Variants in TCF12 observed in about 807,000 individuals in gnomAD.
TCF12 encodes transcription factor 12.
A neutral mutation model predicts 86.0 loss-of-function variants in TCF12; 45 were observed. That is an observed-to-expected ratio of 0.52 (90% CI 0.41 to 0.67). The LOEUF (loss-of-function observed/expected upper bound fraction) is 0.67, where lower values mean the gene tolerates loss of function less well. TCF12 is among the 30% of genes least tolerant of loss of function. TCF12 has a pLI of 0.00. For missense variants in TCF12, 881 were observed against 859.9 expected (o/e 1.02, Z -0.31); for synonymous variants, 330 against 299.6 (o/e 1.10, Z -1.05).
At chr15:57,282,741 T>TGTAACAG in intron 20 of TCF12, 143 bp downstream of exon 20, 1 of 1,076,440 alleles carries the variant, frequency 9.3e-7, no homozygotes, top group Non-Finnish European at 1.3e-6. Flanking sequence ...CAGTTTGTCT[T>TGTAACAG]TCTGTTACAT....
At position 57,251,706 on chromosome 15, in the gene TCF12, A is replaced by G. The variant is rs572685828; in HGVS notation, c.1188+283A>G. ...TAGGGCTTAATCTTTCTATGCTTCT[A>G]TGTCTACATATAAAGGGAAACTTTT... is the stretch of plus-strand genomic sequence containing the variant. On this transcript the variant is annotated intron_variant, in intron 14 of 20. Coordinates refer to ENST00000333725, the MANE Select transcript of TCF12 (RefSeq NM_207037.2). Among the ~76,000 whole-genome samples the G allele has an allele frequency of 3.7e-4, 57 of 152,284 alleles. 1 individual carries two copies. The highest frequency in any genetic ancestry group is 7.1e-4 in the Non-Finnish European group (48 of 68,018).
In TCF12 at chr15:56,981,467, G is replaced by C. The variant is rs368785470; in HGVS notation, c.148+60369G>C. 4.2e-4 allele frequency among the ~76,000 whole-genome samples: 64 copies of C among 152,300 alleles called. 1 individual carries two copies. The highest frequency in any genetic ancestry group is 1.5e-3 in the African/African-American group (61 of 41,586). Reference sequence around the variant, plus strand: ...TATAGTGGTGTTAATCTGTTCATGAGGGTGGAACTCTTAAGACATAAACAT... The same window carrying C: ...TATAGTGGTGTTAATCTGTTCATGACGGTGGAACTCTTAAGACATAAACAT... On this transcript the variant is annotated intron_variant, in intron 3 of 20. Transcript: ENST00000333725.
At chr15:57,033,366 A>G (rs368874703) in intron 3 of TCF12, among the ~76,000 whole-genome samples, 13 of 152,362 alleles carry the variant, frequency 8.5e-5, no homozygotes, top group African/African-American at 2.9e-4. Flanking sequence ...AATTTTAAAG[A>G]GGAGCTGCTA....
At chr15:57,202,975 T>C (rs1358831591) in intron 8 of TCF12, among the ~76,000 whole-genome samples, 1 of 152,188 alleles carries the variant, frequency 6.6e-6, no homozygotes, top group East Asian at 1.9e-4. Flanking sequence ...TTTTACCAAA[T>C]TTTGATGAAA....
chr15:57,137,751 G>A lies in TCF12; in HGVS notation c.326-28651G>A, dbSNP rs560991529. Among the ~76,000 whole-genome samples, 7 of 152,178 alleles carry A rather than the reference G, an allele frequency of 4.6e-5. No homozygotes were observed. The East Asian group carries it at 7.7e-4, about 17-fold the overall frequency. On this transcript the variant is annotated intron_variant, in intron 5 of 20. Coordinates refer to ENST00000333725, the MANE Select transcript of TCF12 (RefSeq NM_207037.2). ...GGAAAGACTTAAAGAATATTAGGTC[G>A]GGCACGGTGGCTCATGCCCGTAATC... is the stretch of plus-strand genomic sequence containing the variant.
intron 8 of TCF12, among the ~76,000 whole-genome samples, chr15:57,202,715 G>A (rs542491109): frequency 1.3e-5 from 2 of 151,134 alleles, no homozygotes; most frequent in East Asian, 2.0e-4. Flanking sequence ...GATTACAGGT[G>A]TGAGCCACCA....
At chr15:57,270,987 A>T (rs764350749) in intron 18 of TCF12, among the ~76,000 whole-genome samples, 6 of 152,148 alleles carry the variant, frequency 3.9e-5, no homozygotes, top group Non-Finnish European at 5.9e-5. Flanking sequence ...GTTGGCCTCT[A>T]CTGGGAGGTG....
chr15:57,275,568 A>T (rs2061366157), intron 19 of TCF12, among the ~76,000 whole-genome samples: 1 of 152,002 alleles, frequency 6.6e-6, no homozygotes, highest in Non-Finnish European at 1.5e-5. Flanking sequence ...TTGTATAGCC[A>T]CTGTCTTTTC....
Position 57,000,756 on chromosome 15 carries a change from T to A in TCF12, c.149-62994T>A, listed in dbSNP as rs534954566. 2.6e-5 allele frequency among the ~76,000 whole-genome samples: 4 copies of A among 152,254 alleles called. No individual in the cohort carries two copies. In the South Asian group the frequency reaches 6.2e-4, roughly 24 times the overall value. ...TTTATTATCTGTGCCTCCTTATTAATGATTTCTAGTACTGCACACCAAGCC... is the reference window on the plus strand; with the variant it reads ...TTTATTATCTGTGCCTCCTTATTAAAGATTTCTAGTACTGCACACCAAGCC... On this transcript the variant is annotated intron_variant, in intron 3 of 20. Transcript: ENST00000333725.
At chr15:57,077,631 C>T (rs575751640) in intron 4 of TCF12, among the ~76,000 whole-genome samples, 35 of 150,284 alleles carry the variant, frequency 2.3e-4, no homozygotes, top group Admixed American at 2.0e-3. Flanking sequence ...AGGGTTTCAC[C>T]TTGTTGGCCA....
At chr15:57,274,334 A>G (rs1292266025) in intron 19 of TCF12, among the ~76,000 whole-genome samples, 3 of 152,206 alleles carry the variant, frequency 2.0e-5, no homozygotes, top group African/African-American at 7.2e-5. Context: ...ACTTCCCTCC[A>G]ATATATTTAA....
At chr15:57,187,561 C>A (rs1398413560) in intron 6 of TCF12, among the ~76,000 whole-genome samples, 1 of 152,060 alleles carries the variant, frequency 6.6e-6, no homozygotes, top group Non-Finnish European at 1.5e-5. Flanking sequence ...AGAAAGTTTA[C>A]AAATTTGTGT....
intron 6 of TCF12, among the ~76,000 whole-genome samples, chr15:57,188,776 A>G (rs1450684672): frequency 6.6e-6 from 1 of 152,122 alleles, no homozygotes; most frequent in African/African-American, 2.4e-5. Context: ...ATCACAACAT[A>G]TACAGAAATT....
chr15:57,077,327 A>G (rs2439920), intron 4 of TCF12, among the ~76,000 whole-genome samples: 1,294 of 25,628 alleles, frequency 0.05, 111 homozygotes, highest in African/African-American at 0.15. Flanking sequence ...ATGTATATAT[A>G]TGTGTGTGTG....
chr15:57,001,950 AT>A (rs2141059450), intron 3 of TCF12, among the ~76,000 whole-genome samples: 1 of 152,342 alleles, frequency 6.6e-6, no homozygotes, highest in East Asian at 1.9e-4. Flanking sequence ...AACTGTCCGG[AT>A]TGAAGGAGAG....
intron 3 of TCF12, among the ~76,000 whole-genome samples, chr15:56,958,471 T>C (rs2061590353): frequency 6.6e-6 from 1 of 152,208 alleles, no homozygotes; most frequent in South Asian, 2.1e-4. Context: ...GTTCTAACTA[T>C]TTACATTTAA....
intron 3 of TCF12, among the ~76,000 whole-genome samples, chr15:56,952,218 GTA>G (rs371312417): frequency 2.0e-5 from 3 of 151,424 alleles, no homozygotes; most frequent in African/African-American, 4.9e-5. Context: ...AAATACATGT[GTA>G]TGTTTTTCTG....
intron 6 of TCF12, among the ~76,000 whole-genome samples, chr15:57,168,384 AG>A (rs1567553173): frequency 6.6e-6 from 1 of 152,222 alleles, no homozygotes; most frequent in Non-Finnish European, 1.5e-5. Flanking sequence ...GCCCCCATTA[AG>A]GTATCTTTCT....
At chr15:57,086,212 G>GATAACAATAATAATAATA (rs1555501431) in intron 4 of TCF12, among the ~76,000 whole-genome samples, 3 of 141,622 alleles carry the variant, frequency 2.1e-5, no homozygotes, top group African/African-American at 7.8e-5. Context: ...GGATGATGAT[G>GATAACAATAATAATAATA]ATAATAATAA....
Sources: gnomAD v4.1 joint callset for allele counts (sites outside exome capture counted in the v4.1 genomes callset) on GRCh38, gnomAD v4.1.1 for gene constraint, MANE v1.5 for transcripts, NCBI Gene and HGNC (gene_info 2026-07-23, HGNC 2026-07-21) for gene names.